PRIM2: variants seen among roughly 807,000 people sequenced by gnomAD.
The protein encoded by PRIM2 is DNA primase large subunit.
Under a neutral mutation model 67.3 loss-of-function variants are expected in PRIM2, and 39 were observed. The observed-to-expected ratio is 0.58, with a 90% CI of 0.45 to 0.76. The LOEUF (loss-of-function observed/expected upper bound fraction) is 0.76. PRIM2 is among the 30% of genes least tolerant of loss of function. PRIM2 has a pLI of 0.00. For missense variants in PRIM2, 398 were observed against 598.7 expected (o/e 0.66, Z 3.50); for synonymous variants, 143 against 198.7 (o/e 0.72, Z 2.36).
intron 10 of PRIM2, among the ~76,000 whole-genome samples, chr6:57,592,424 C>T (rs1220199683): frequency 1.8e-4 from 27 of 152,312 alleles, no homozygotes; most frequent in Middle Eastern, 3.4e-3. Flanking sequence ...AAATCTCTCT[C>T]TAAAGGATAC....
chr6:57,452,043 TG>T (rs1243692972), intron 7 of PRIM2, among the ~76,000 whole-genome samples: 2 of 151,946 alleles, frequency 1.3e-5, no homozygotes, highest in Non-Finnish European at 2.9e-5. Context: ...TTTGGGTTTT[TG>T]TCCTTGCAAT....
intron 9 of PRIM2, among the ~76,000 whole-genome samples, chr6:57,533,077 C>G (rs1774926230): frequency 6.6e-6 from 1 of 151,950 alleles, no homozygotes; most frequent in Non-Finnish European, 1.5e-5. Flanking sequence ...TTTAAAGGCC[C>G]CATCTCTAAA....
At chr6:57,439,999 G>A (rs113725567) in intron 7 of PRIM2, among the ~76,000 whole-genome samples, 9,369 of 151,324 alleles carry the variant, frequency 0.062, 596 homozygotes, top group African/African-American at 0.16. Context: ...ATATTTGTTC[G>A]CGTTTTTCTG....
At position 57,379,885 on chromosome 6, in the gene PRIM2, A is replaced by T; in HGVS notation, c.460-16A>T. The stretch of plus-strand genomic sequence containing the variant: ...GACTTCAAATTTTTGTAACAGCTTA[A>T]AATATGTTTTTTTAGATAAGTGATG... On this transcript the variant is annotated splice_polypyrimidine_tract_variant and intron_variant, in intron 5 of 13. Transcript: ENST00000615550. 3 of 1,534,764 alleles carry T rather than the reference A, an allele frequency of 2.0e-6. No homozygotes were observed. Among genetic ancestry groups the T allele is most frequent in the Non-Finnish European group, 2.6e-6 (3 of 1,141,824 alleles).
At chr6:57,352,282 C>G (rs951184687) in intron 5 of PRIM2, among the ~76,000 whole-genome samples, 29 of 152,088 alleles carry the variant, frequency 1.9e-4, no homozygotes, top group African/African-American at 6.5e-4. Context: ...GCTCTGTTGC[C>G]CAGGCTGGAG....
the PRIM2 span, among the ~76,000 whole-genome samples, chr6:57,309,127 G>C: frequency 5.0e-4 from 75 of 151,218 alleles, 1 homozygote; most frequent in South Asian, 0.014. Flanking sequence ...AGATTAGGGA[G>C]TGGTGATGAC....
chr6:57,366,735 T>C (rs1769376131), intron 5 of PRIM2, among the ~76,000 whole-genome samples: 1 of 152,100 alleles, frequency 6.6e-6, no homozygotes, highest in Non-Finnish European at 1.5e-5. Flanking sequence ...CAAACTGGGA[T>C]GGTTGGTCAC....
At chr6:57,286,294 A>G in the PRIM2 span, among the ~76,000 whole-genome samples, 9 of 152,224 alleles carry the variant, frequency 5.9e-5, no homozygotes, top group African/African-American at 1.9e-4. Context: ...GAGCCCGTAT[A>G]GCCAAGACAA....
rs534421634 is a variant in PRIM2, at chr6:57,364,688, C to T, written c.460-15213C>T. Among the ~76,000 whole-genome samples the T allele has an allele frequency of 5.3e-5, 8 of 152,006 alleles. No individual in the cohort carries two copies. In the East Asian group the frequency reaches 9.7e-4, roughly 18 times the overall value. ...GGGAGGGCCTCTTGCAAGAGTCTTC[C>T]GCTTGGCAGGCCCTAATCCTTGTGT... On this transcript the variant is annotated intron_variant, in intron 5 of 13. Coordinates refer to ENST00000615550, the MANE Select transcript of PRIM2 (RefSeq NM_000947.5).
the PRIM2 span, among the ~76,000 whole-genome samples, chr6:57,255,684 T>A: frequency 1.3e-5 from 2 of 152,072 alleles, no homozygotes; most frequent in African/African-American, 4.8e-5. Context: ...AATGTCCCAT[T>A]TAAATCATAA....
intron 12 of PRIM2, among the ~76,000 whole-genome samples, chr6:57,608,823 AGAG>A (rs1776613969): frequency 1.3e-5 from 2 of 152,150 alleles, no homozygotes; most frequent in Admixed American, 6.6e-5. Context: ...ATCTGTAGAA[AGAG>A]GAGGAGAAGA....
intron 10 of PRIM2, among the ~76,000 whole-genome samples, chr6:57,583,409 A>G (rs1292219246): frequency 6.9e-6 from 1 of 144,470 alleles, no homozygotes; most frequent in African/African-American, 2.6e-5. Flanking sequence ...GTTCCCACCT[A>G]TGAGTGAGAA....
chr6:57,507,516 A>G (rs1774274484), intron 8 of PRIM2, 62 bp downstream of exon 8: 2 of 1,447,794 alleles, frequency 1.4e-6, no homozygotes, highest in Non-Finnish European at 1.8e-6. Context: ...TGAATAAAGT[A>G]TATTAAAGTG....
chr6:57,323,794 A>C (rs999842698), intron 3 of PRIM2, among the ~76,000 whole-genome samples: 1 of 152,174 alleles, frequency 6.6e-6, no homozygotes, highest in Non-Finnish European at 1.5e-5. Context: ...GAAAAAAAAA[A>C]AAGAAATGTT....
intron 7 of PRIM2, among the ~76,000 whole-genome samples, chr6:57,397,664 G>A (rs9475923): frequency 0.036 from 5,528 of 151,958 alleles, 320 homozygotes; most frequent in African/African-American, 0.13. Flanking sequence ...TTCTTTTTCA[G>A]GTGAATCAGG....
chr6:57,451,957 G>T (rs1220593984), intron 7 of PRIM2, among the ~76,000 whole-genome samples: 1 of 132,712 alleles, frequency 7.5e-6, no homozygotes, highest in Non-Finnish European at 1.6e-5. Context: ...AACAGGCCCT[G>T]GTGTGTGATG....
chr6:57,531,352 C>CA (rs1774885506), intron 8 of PRIM2, among the ~76,000 whole-genome samples: 2 of 152,214 alleles, frequency 1.3e-5, no homozygotes, highest in African/African-American at 4.8e-5. Flanking sequence ...TTTGTAGAGA[C>CA]AGAGTCTTAC....
chr6:57,600,964 T>A (rs1776452958), intron 10 of PRIM2, 129 bp from the exon 11 acceptor site: 1 of 764,612 alleles, frequency 1.3e-6, no homozygotes, highest in African/African-American at 1.8e-5. Flanking sequence ...TGAATGTACA[T>A]CTGCCCGTGA....
rs201110367 is a variant in PRIM2, at chr6:57,338,174, T to A, written c.459+12129T>A. Among the ~76,000 whole-genome samples the A allele has an allele frequency of 3.0e-3, 455 of 152,078 alleles. 25 individuals carry two copies. In the East Asian group the frequency reaches 0.083, roughly 28 times the overall value. On this transcript the variant is annotated intron_variant, in intron 5 of 13. Transcript: ENST00000615550. ...CTAAACCAGGAAGAAGTTGAATCTC[T>A]GAATAGACCAATAACAGGATCTGAA...
Sources: gnomAD v4.1 joint callset for allele counts (sites outside exome capture counted in the v4.1 genomes callset) on GRCh38, gnomAD v4.1.1 for gene constraint, MANE v1.5 for transcripts, NCBI Gene and HGNC (gene_info 2026-07-23, HGNC 2026-07-21) for gene names.